ZNF93: variants seen among roughly 807,000 people sequenced by gnomAD.
The protein encoded by ZNF93 is zinc finger protein 93, also known as zinc finger protein 505.
ZNF93 carries 29 observed loss-of-function variants against 45.0 expected under a neutral mutation model. That is an observed-to-expected ratio of 0.64 (90% confidence interval 0.48 to 0.88). The LOEUF (loss-of-function observed/expected upper bound fraction) is 0.88. Among genes scored for constraint, ZNF93 ranks in the 40% least tolerant of loss-of-function variants. The pLI, the probability that ZNF93 is intolerant of heterozygous loss-of-function variation, is 0.00. For synonymous variants in ZNF93, 223 were observed against 244.6 expected, an observed-to-expected ratio of 0.91 and a Z score of 0.82; for missense variants, 578 against 724.0, an observed-to-expected ratio of 0.80 and a Z score of 2.31.
intron 3 of ZNF93, among the ~76,000 whole-genome samples, chr19:19,928,233 A>G (rs901036391): frequency 2.0e-5 from 3 of 152,210 alleles, no homozygotes; most frequent in African/African-American, 7.2e-5. Context: ...AACTTTGTGG[A>G]AAATCATTTG....
At chr19:19,906,871 G>A (rs1312530918) in intron 1 of ZNF93, among the ~76,000 whole-genome samples, 2 of 150,274 alleles carry the variant, frequency 1.3e-5, no homozygotes, top group Non-Finnish European at 3.0e-5. Context: ...CTATTCTGTC[G>A]GTCTTGTGCA....
rs2122199685 is a variant in ZNF93 at position 19,933,419 on chromosome 19, A to G, written c.464A>G (p.His155Arg). The G allele has an allele frequency of 1.3e-6, 2 of 1,596,322 alleles. No individual in the cohort carries two copies. Among genetic ancestry groups the G allele is most frequent in the East Asian group, 2.2e-5 (1 of 44,794 alleles). The change falls in exon 4 of 4, where the codon CAT becomes CGT. Residue 155 changes from histidine to arginine, a missense_variant. Transcript: ENST00000343769. ...TGTGATAAATATGGGAAAGTCTTTC[A>G]TAAATTTTCAAATTCAAATAGACAT... is the stretch of plus-strand genomic sequence containing the variant. The part of the protein sequence containing the change: ...FQCDKYGKVF[H>R]KFSNSNRHNI...
intron 3 of ZNF93, among the ~76,000 whole-genome samples, chr19:19,919,766 G>A (rs2063337535): frequency 2.0e-5 from 3 of 152,142 alleles, no homozygotes; most frequent in South Asian, 4.2e-4. Flanking sequence ...TCTGTTATTG[G>A]TGTATAAGAA....
intron 3 of ZNF93, among the ~76,000 whole-genome samples, chr19:19,930,811 A>G (rs879765932): frequency 7.2e-5 from 11 of 152,184 alleles, no homozygotes; most frequent in Non-Finnish European, 1.0e-4. Flanking sequence ...TCTAAGATCT[A>G]TATCTGGTAT....
chr19:19,915,342 C>T lies in ZNF93; in HGVS notation c.66C>T (p.Asp22=), dbSNP rs758219090. Reference sequence around the variant, plus strand: ...CTCTGGAGGAGTGGCATTGCCTGGACACTGCACAGCGGAATCTATATAGGA... The same window carrying T: ...CTCTGGAGGAGTGGCATTGCCTGGATACTGCACAGCGGAATCTATATAGGA... ...EFSLEEWHCL[D]TAQRNLYRNV... The change falls in exon 2 of 4, where the codon GAC becomes GAT. Residue 22 remains aspartate (D), a synonymous_variant. Transcript: ENST00000343769. The T allele has an allele frequency of 6.2e-7, 1 of 1,614,098 alleles. No homozygotes were observed. Among genetic ancestry groups the T allele is most frequent in the Non-Finnish European group, 8.5e-7 (1 of 1,180,002 alleles).
intron 3 of ZNF93, among the ~76,000 whole-genome samples, chr19:19,920,687 T>C (rs1042437765): frequency 1.8e-4 from 28 of 152,264 alleles, no homozygotes; most frequent in African/African-American, 5.8e-4. Context: ...GTGTATGTGT[T>C]GAGGAATTTA....
chr19:19,908,948 G>A (rs1476110337), intron 1 of ZNF93: 1 of 152,986 alleles, frequency 6.5e-6, no homozygotes, highest in African/African-American at 2.4e-5. Flanking sequence ...ATCCCGTGGT[G>A]TCTGAATGAG....
At chr19:19,912,488 T>G (rs2122169968) in intron 1 of ZNF93, among the ~76,000 whole-genome samples, 1 of 151,478 alleles carries the variant, frequency 6.6e-6, no homozygotes, top group East Asian at 1.9e-4. Context: ...GGAAAAAAAG[T>G]ATGTTTTGTA....
At chr19:19,911,749 T>C (rs1459001336) in intron 1 of ZNF93, among the ~76,000 whole-genome samples, 1 of 152,046 alleles carries the variant, frequency 6.6e-6, no homozygotes, top group South Asian at 2.1e-4. Flanking sequence ...ATAATTGTTA[T>C]AAATTCTTTT....
At chr19:19,902,049 T>C (rs2063273852) in intron 1 of ZNF93, among the ~76,000 whole-genome samples, 1 of 152,096 alleles carries the variant, frequency 6.6e-6, no homozygotes, top group Non-Finnish European at 1.5e-5. Context: ...GAGCTTGCCA[T>C]TGTACTCCAG....
At chr19:19,915,138 G>A in intron 1 of ZNF93, 142 bp from the exon 2 acceptor site, 1 of 1,452,964 alleles carries the variant, frequency 6.9e-7, no homozygotes, top group Non-Finnish European at 9.3e-7. Context: ...GAATATTTCT[G>A]TGTTGAAGAT....
chr19:19,900,987 C>A lies in ZNF93; in HGVS notation c.-102C>A, dbSNP rs369151810. ...GGAGCTCCAGGTCTCCTCTTCACTA[C>A]TCTGTGTCCTGTGCTCCTACAGGCC... On this transcript the variant is annotated 5_prime_UTR_variant, in exon 1 of 4. Transcript: ENST00000343769. The A allele has an allele frequency of 1.9e-6, 3 of 1,558,404 alleles. No individual in the cohort carries two copies. The African/African-American group carries it at 4.1e-5, about 21-fold the overall frequency.
chr19:19,911,224 GAGT>G (rs1241614148), intron 1 of ZNF93, among the ~76,000 whole-genome samples: 11 of 152,336 alleles, frequency 7.2e-5, no homozygotes, highest in Admixed American at 5.9e-4. Context: ...GAGTTAGCCT[GAGT>G]CTCTCCAGCC....
At chr19:19,901,225 C>A in intron 1 of ZNF93, 134 bp downstream of exon 1, 1 of 1,442,002 alleles carries the variant, frequency 6.9e-7, no homozygotes, top group Non-Finnish European at 9.7e-7. Context: ...CCAGCTCGGC[C>A]TCGGTTCCCT....
intron 3 of ZNF93, among the ~76,000 whole-genome samples, chr19:19,928,228 T>G (rs12608906): frequency 0.15 from 22,703 of 152,262 alleles, 2,004 homozygotes; most frequent in East Asian, 0.41. Context: ...ATGGCAACTT[T>G]GTGGAAAATC....
At chr19:19,929,009 A>C (rs1269491071) in intron 3 of ZNF93, among the ~76,000 whole-genome samples, 7 of 152,082 alleles carry the variant, frequency 4.6e-5, no homozygotes, top group Admixed American at 4.6e-4. Flanking sequence ...AATGTTGGCT[A>C]TGGGACCTGG....
At chr19:19,904,727 C>T (rs561506002) in intron 1 of ZNF93, among the ~76,000 whole-genome samples, 9 of 150,590 alleles carry the variant, frequency 6.0e-5, no homozygotes, top group African/African-American at 1.7e-4. Context: ...AGTCTCTGCT[C>T]TCCTCTACAC....
At chr19:19,926,040 G>A (rs967750612) in intron 3 of ZNF93, 2 of 151,124 alleles carry the variant, frequency 1.3e-5, no homozygotes, top group African/African-American at 4.9e-5. Context: ...TGCACTTCAT[G>A]AGTACAAACT....
At chr19:19,926,981 T>A (rs1405355662) in intron 3 of ZNF93, 6 of 393,306 alleles carry the variant, frequency 1.5e-5, no homozygotes, top group Non-Finnish European at 1.3e-5. Context: ...GAAACACTTT[T>A]GTGATTTGAA....
Sources: allele counts gnomAD v4.1 joint callset (sites outside exome capture counted in the v4.1 genomes callset), GRCh38; gene constraint gnomAD v4.1.1; transcripts MANE v1.5; gene names NCBI Gene and HGNC (gene_info 2026-07-23, HGNC 2026-07-21).